ASB18: variants seen among roughly 807,000 people sequenced by gnomAD.
The protein encoded by ASB18 is ankyrin repeat and SOCS box containing 18.
ASB18 carries 33 observed loss-of-function variants against 33.4 expected under a neutral mutation model. The observed-to-expected ratio is 0.99, with a 90% confidence interval of 0.75 to 1.32. The LOEUF is 1.32. ASB18 is among the 40% of genes most tolerant of loss of function. The pLI, the probability that ASB18 is intolerant of heterozygous loss-of-function variation, is 0.00. For missense variants in ASB18, 694 were observed against 655.5 expected (o/e 1.06, Z -0.64); for synonymous variants, 295 against 307.6 (o/e 0.96, Z 0.43).
At chr2:236,258,774 C>T (rs535708146) in intron 1 of ASB18, among the ~76,000 whole-genome samples, 14 of 152,290 alleles carry the variant, frequency 9.2e-5, no homozygotes, top group African/African-American at 2.2e-4. Context: ...CTATACATGA[C>T]GCTGGTGAGA....
At position 236,244,498 on chromosome 2, in the gene ASB18, G is replaced by C. The variant is rs190095011; in HGVS notation, c.206-3096C>G. Among the ~76,000 whole-genome samples the C allele has an allele frequency of 6.9e-4, 105 of 152,334 alleles. No individual in the cohort carries two copies. The highest frequency in any genetic ancestry group is 1.2e-3 in the Non-Finnish European group (81 of 68,032). ...AAAACAGATGTGAAATCAAGGAATA[G>C]AGCTCACTGGGCTGTGCATCCTTGG... On this transcript the variant is annotated intron_variant, in intron 1 of 5. Coordinates refer to ENST00000409749, the MANE Select transcript of ASB18 (RefSeq NM_212556.4). This position sits in a 1 kb window ranked among gnomAD's most constrained non-coding sequence, Gnocchi z 6.1.
In ASB18 at chr2:236,214,126, C is replaced by A; in HGVS notation, c.1101+236G>T. 3.7e-6 allele frequency: 2 copies of A among 543,304 alleles called. No homozygotes were observed. The allele number at this position is 543,304 out of a possible 1,614,324, so 33.7% of individuals were successfully genotyped here. A position where few individuals can be genotyped will look rare whatever the true frequency, so the allele number is the denominator to read the frequency against. Reference sequence around the variant, plus strand: ...TGGCTCTAACCAGAAGGCTTCTAGGCCCCTGTTCCTCAAAATGGGGTCCCA... The same window carrying A: ...TGGCTCTAACCAGAAGGCTTCTAGGACCCTGTTCCTCAAAATGGGGTCCCA... On this transcript the variant is annotated intron_variant, in intron 4 of 5. Transcript: ENST00000409749. The surrounding 1 kb of genome is among the most constrained non-coding windows in gnomAD (Gnocchi z 6.5).
chr2:236,237,568 T>G lies in ASB18; in HGVS notation c.596+121A>C. On this transcript the variant is annotated intron_variant, in intron 3 of 5. Coordinates refer to ENST00000409749, the MANE Select transcript of ASB18 (RefSeq NM_212556.4). The surrounding 1 kb of genome is among the most constrained non-coding windows in gnomAD (Gnocchi z 6.2). The stretch of plus-strand genomic sequence containing the variant: ...AGTGGGCAGAGTCAAGGGTGCAGGG[T>G]CTGGGTCCGGAGGCGGGGGCTGGGA... The G allele has an allele frequency of 5.2e-6, 4 of 773,284 alleles. No homozygotes were observed. The highest frequency in any genetic ancestry group is 2.7e-5 in the South Asian group (1 of 37,664). The allele number at this position is 773,284 out of a possible 1,614,324, so 47.9% of individuals were successfully genotyped here. A position where few individuals can be genotyped will look rare whatever the true frequency, so the allele number is the denominator to read the frequency against.
chr2:236,260,080 C>T lies in ASB18; in HGVS notation c.205+4061G>A, dbSNP rs1289865229. On this transcript the variant is annotated intron_variant, in intron 1 of 5. Coordinates refer to ENST00000409749, the MANE Select transcript of ASB18 (RefSeq NM_212556.4). The surrounding 1 kb of genome is among the most constrained non-coding windows in gnomAD (Gnocchi z 5.1). ...CAGGCCGATGAGCATGGTGATTGCACTGCAAGAGGCAAGGTCCTCAAGTGA... is the reference window on the plus strand; with the variant it reads ...CAGGCCGATGAGCATGGTGATTGCATTGCAAGAGGCAAGGTCCTCAAGTGA... 2.0e-5 allele frequency among the ~76,000 whole-genome samples: 3 copies of T among 152,230 alleles called. No individual in the cohort carries two copies. Among genetic ancestry groups the T allele is most frequent in the African/African-American group, 7.2e-5 (3 of 41,456 alleles).
rs570075081 is a variant in ASB18, at chr2:236,244,575, T to C, written c.206-3173A>G. Among the ~76,000 whole-genome samples the C allele has an allele frequency of 6.6e-6, 1 of 152,274 alleles. No individual in the cohort carries two copies. Among genetic ancestry groups the C allele is most frequent in the African/African-American group, 2.4e-5 (1 of 41,544 alleles). ...TTTATGCCAGTTTCTTCTCTCTCAG[T>C]CTTCTCTGCACACAAAGGCTGCCTT... On this transcript the variant is annotated intron_variant, in intron 1 of 5. Transcript: ENST00000409749. The surrounding 1 kb of genome is among the most constrained non-coding windows in gnomAD (Gnocchi z 6.1).
rs1367343351 is a variant in ASB18 at position 236,208,617 on chromosome 2, G to A, written c.1101+5745C>T. On this transcript the variant is annotated intron_variant, in intron 4 of 5. Coordinates refer to ENST00000409749, the MANE Select transcript of ASB18 (RefSeq NM_212556.4). This position sits in a 1 kb window ranked among gnomAD's most constrained non-coding sequence, Gnocchi z 7.7. ...TAGAGCAAAAGCACCACCTCCTCCC[G>A]CCCCTCCCCCACCGGGTCACAGACT... Among the ~76,000 whole-genome samples, 1 of 148,394 alleles carries A rather than the reference G, an allele frequency of 6.7e-6. No individual in the cohort carries two copies. The highest frequency in any genetic ancestry group is 1.5e-5 in the Non-Finnish European group (1 of 67,072).
rs4439907 is a variant in ASB18 at position 236,195,193 on chromosome 2, C to T, written c.1216-136G>A. The T allele has an allele frequency of 0.1, 81,179 of 774,280 alleles. 5,257 individuals are homozygous for T. The highest frequency in any genetic ancestry group is 0.18 in the African/African-American group (10,064 of 56,394). 48.0% of individuals were successfully genotyped at this position (774,280 alleles called of 1,614,324 possible). A position where few individuals can be genotyped will look rare whatever the true frequency, so the allele number is the denominator to read the frequency against. On this transcript the variant is annotated intron_variant, in intron 5 of 5. Coordinates refer to ENST00000409749, the MANE Select transcript of ASB18 (RefSeq NM_212556.4). This position sits in a 1 kb window ranked among gnomAD's most constrained non-coding sequence, Gnocchi z 5.5. ...CCCAGATAAGCGCACTGGAGGGAGA[C>T]GCACCATCTTGTGGGAACCACCCTC...
chr2:236,197,887 G>A (rs2106261881), intron 4 of ASB18, among the ~76,000 whole-genome samples: 1 of 151,870 alleles, frequency 6.6e-6, no homozygotes, highest in East Asian at 1.9e-4. Flanking sequence ...CAATTTCATA[G>A]CTCTCTCTTT....
At position 236,214,994 on chromosome 2, in the gene ASB18, A is replaced by C; in HGVS notation, c.597-128T>G. 2 of 599,660 alleles carry C rather than the reference A, an allele frequency of 3.3e-6. No individual in the cohort carries two copies. 37.1% of individuals were successfully genotyped at this position (599,660 alleles called of 1,614,324 possible). On this transcript the variant is annotated intron_variant, in intron 3 of 5. Coordinates refer to ENST00000409749, the MANE Select transcript of ASB18 (RefSeq NM_212556.4). The surrounding 1 kb of genome is among the most constrained non-coding windows in gnomAD (Gnocchi z 6.5). Reference sequence around the variant, plus strand: ...AGACATGCTCCGCTCTCCCATACCAAGGCGTCAGGAGTTCAAACTAAACTG... The same window carrying C: ...AGACATGCTCCGCTCTCCCATACCACGGCGTCAGGAGTTCAAACTAAACTG...
intron 1 of ASB18, among the ~76,000 whole-genome samples, chr2:236,242,646 C>T (rs1185752075): frequency 3.3e-5 from 5 of 151,854 alleles, no homozygotes; most frequent in Non-Finnish European, 4.4e-5. Context: ...AATTATTTTT[C>T]GTAGAGATGG....
In ASB18 at chr2:236,252,630, C is replaced by T. The variant is rs1357075964; in HGVS notation, c.206-11228G>A. On this transcript the variant is annotated intron_variant, in intron 1 of 5. Coordinates refer to ENST00000409749, the MANE Select transcript of ASB18 (RefSeq NM_212556.4). This position sits in a 1 kb window ranked among gnomAD's most constrained non-coding sequence, Gnocchi z 7.9. ...AGCAAGAGGCAGGTGTCACTAGCCA[C>T]CATGCTATGGCGCATGGGACACAGG... Among the ~76,000 whole-genome samples, 1 of 152,178 alleles carries T rather than the reference C, an allele frequency of 6.6e-6. No homozygotes were observed. Among genetic ancestry groups the T allele is most frequent in the Non-Finnish European group, 1.5e-5 (1 of 68,026 alleles).
Position 236,262,420 on chromosome 2 carries a change from T to C in ASB18, c.205+1721A>G, listed in dbSNP as rs1039351974. Among the ~76,000 whole-genome samples the C allele has an allele frequency of 6.6e-6, 1 of 152,188 alleles. No homozygotes were observed. The highest frequency in any genetic ancestry group is 1.9e-4 in the East Asian group (1 of 5,162). ...ATAGGGCTGGAGGAGGGGCAGGAGC[T>C]GCTGGGCAGGAGCCAAGCCTTCCAC... On this transcript the variant is annotated intron_variant, in intron 1 of 5. Transcript: ENST00000409749. The surrounding 1 kb of genome is among the most constrained non-coding windows in gnomAD (Gnocchi z 5.2).
intron 4 of ASB18, among the ~76,000 whole-genome samples, chr2:236,197,672 A>T (rs1326286511): frequency 6.6e-6 from 1 of 152,176 alleles, no homozygotes; most frequent in Non-Finnish European, 1.5e-5. Flanking sequence ...AAATACAAAA[A>T]TTAGCTGGGC....
rs1230606810 is a variant in ASB18, at chr2:236,253,618, C to T, written c.205+10523G>A. 6.6e-6 allele frequency among the ~76,000 whole-genome samples: 1 copy of T among 151,880 alleles called. No homozygotes were observed. The highest frequency in any genetic ancestry group is 2.4e-5 in the African/African-American group (1 of 41,356). ...GCCCAGGCTGGTCTCTAACTCCTGG[C>T]CTCAAGTGATCTTCCCACCTCAGCC... On this transcript the variant is annotated intron_variant, in intron 1 of 5. Coordinates refer to ENST00000409749, the MANE Select transcript of ASB18 (RefSeq NM_212556.4). The surrounding 1 kb of genome is among the most constrained non-coding windows in gnomAD (Gnocchi z 5.4).
In ASB18 at chr2:236,238,109, C is replaced by T. The variant is rs1195913995; in HGVS notation, c.329-153G>A. On this transcript the variant is annotated intron_variant, in intron 2 of 5. Coordinates refer to ENST00000409749, the MANE Select transcript of ASB18 (RefSeq NM_212556.4). This position sits in a 1 kb window ranked among gnomAD's most constrained non-coding sequence, Gnocchi z 5.2. ...AGAAGAGGATAGAATCAGAGACGCA[C>T]ACAGAGACAGAGAGCAGAGAGACAC... is the stretch of plus-strand genomic sequence containing the variant. 1.3e-5 allele frequency among the ~76,000 whole-genome samples: 2 copies of T among 152,132 alleles called. No individual in the cohort carries two copies. Among genetic ancestry groups the T allele is most frequent in the Non-Finnish European group, 1.5e-5 (1 of 67,996 alleles).
At chr2:236,242,023 G>T (rs2060623671) in intron 1 of ASB18, among the ~76,000 whole-genome samples, 1 of 152,244 alleles carries the variant, frequency 6.6e-6, no homozygotes, top group African/African-American at 2.4e-5. Flanking sequence ...GGAAATAAAA[G>T]TCTTATGCTC....
rs990511618 is a variant in ASB18 at position 236,256,321 on chromosome 2, C to T, written c.205+7820G>A. Among the ~76,000 whole-genome samples, 1 of 152,124 alleles carries T rather than the reference C, an allele frequency of 6.6e-6. No individual in the cohort carries two copies. Among genetic ancestry groups the T allele is most frequent in the Non-Finnish European group, 1.5e-5 (1 of 68,044 alleles). ...GGGTTACAGGCATGAACCACCATGC[C>T]CGGCCCATAAGTATTTATTAGGTAC... is the stretch of plus-strand genomic sequence containing the variant. On this transcript the variant is annotated intron_variant, in intron 1 of 5. Transcript: ENST00000409749. This position sits in a 1 kb window ranked among gnomAD's most constrained non-coding sequence, Gnocchi z 4.7.
intron 4 of ASB18, among the ~76,000 whole-genome samples, chr2:236,198,447 C>A (rs1318990540): frequency 6.6e-6 from 1 of 152,114 alleles, no homozygotes; most frequent in South Asian, 2.1e-4. Flanking sequence ...TGGCTCACTG[C>A]AACCTCTGCC....
rs780170188 is a variant in ASB18, at chr2:236,205,356, G to A, written c.1102-8971C>T. Among the ~76,000 whole-genome samples, 2 of 152,196 alleles carry A rather than the reference G, an allele frequency of 1.3e-5. No homozygotes were observed. Among genetic ancestry groups the A allele is most frequent in the Non-Finnish European group, 2.9e-5 (2 of 68,040 alleles). Reference sequence around the variant, plus strand: ...CTCCAGCCTTAGGCTACAGATGGCTGGTCCTCTGCTGGGCTGCTCTTCCCC... The same window carrying A: ...CTCCAGCCTTAGGCTACAGATGGCTAGTCCTCTGCTGGGCTGCTCTTCCCC... On this transcript the variant is annotated intron_variant, in intron 4 of 5. Transcript: ENST00000409749. This position sits in a 1 kb window ranked among gnomAD's most constrained non-coding sequence, Gnocchi z 5.4.
Sources: gnomAD v4.1 joint callset for allele counts (sites outside exome capture counted in the v4.1 genomes callset) on GRCh38, gnomAD v4.1.1 for gene constraint, Gnocchi (gnomAD v3.1) non-coding constraint, MANE v1.5 for transcripts, NCBI Gene and HGNC (gene_info 2026-07-23, HGNC 2026-07-21) for gene names.